Variants in BNC2 observed in about 807,000 individuals in gnomAD.
BNC2 encodes the protein zinc finger protein basonuclin-2.
Under a neutral mutation model 76.3 loss-of-function variants are expected in BNC2, and 20 were observed. That is an observed-to-expected ratio of 0.26 (90% CI 0.18 to 0.38). BNC2 has a LOEUF of 0.38. Among genes scored for constraint, BNC2 ranks in the 10% least tolerant of loss-of-function variants. The pLI is 1.00. For missense variants in BNC2, 1,382 were observed against 1,399.8 expected, an observed-to-expected ratio of 0.99 and a Z score of 0.20; for synonymous variants, 582 against 514.8, an observed-to-expected ratio of 1.13 and a Z score of -1.77.
intron 5 of BNC2, among the ~76,000 whole-genome samples, chr9:16,492,721 A>ATTTTTT (rs59536317): frequency 1.4e-5 from 2 of 140,214 alleles, no homozygotes; most frequent in African/African-American, 2.6e-5. Context: ...AGGCCTGCCC[A>ATTTTTT]TTTTTTTTTT....
intron 5 of BNC2, among the ~76,000 whole-genome samples, chr9:16,470,118 C>T (rs1821790857): frequency 6.6e-6 from 1 of 151,568 alleles, no homozygotes; most frequent in Admixed American, 6.6e-5. Flanking sequence ...CTGCCTCAGC[C>T]TCCTGAGTAG....
intron 5 of BNC2, among the ~76,000 whole-genome samples, chr9:16,528,501 TA>T (rs1409556813): frequency 6.6e-6 from 1 of 152,220 alleles, no homozygotes; most frequent in Non-Finnish European, 1.5e-5. Context: ...ATGGTTTCTA[TA>T]GTTATCTACT....
At chr9:16,482,467 A>C (rs1005221018) in intron 5 of BNC2, among the ~76,000 whole-genome samples, 7 of 151,692 alleles carry the variant, frequency 4.6e-5, no homozygotes, top group Middle Eastern at 3.4e-3. Flanking sequence ...GAAAAAAAAA[A>C]CCCTCTTCTT....
intron 5 of BNC2, among the ~76,000 whole-genome samples, chr9:16,496,491 A>C (rs374337349): frequency 6.6e-6 from 1 of 152,236 alleles, no homozygotes; most frequent in South Asian, 2.1e-4. Flanking sequence ...AATTACCTTA[A>C]TGTCAGTTGA....
chr9:16,714,256 G>A (rs535148261), intron 3 of BNC2, among the ~76,000 whole-genome samples: 66 of 152,250 alleles, frequency 4.3e-4, no homozygotes, highest in South Asian at 1.0e-3. Context: ...AAACTATCTA[G>A]CAAACACAAA....
intron 1 of BNC2, among the ~76,000 whole-genome samples, chr9:16,745,487 G>T (rs1054790090): frequency 1.3e-5 from 2 of 152,200 alleles, no homozygotes; most frequent in African/African-American, 4.8e-5. Flanking sequence ...CAATCAGCAA[G>T]GGAGGAGTAG....
chr9:16,621,390 C>T (rs924510956), intron 3 of BNC2, among the ~76,000 whole-genome samples: 1 of 152,210 alleles, frequency 6.6e-6, no homozygotes, highest in Non-Finnish European at 1.5e-5. Flanking sequence ...GACAGTATGG[C>T]TTCACAGGGA....
chr9:16,844,396 T>A (rs1289152226), intron 1 of BNC2, among the ~76,000 whole-genome samples: 1 of 151,518 alleles, frequency 6.6e-6, no homozygotes, highest in Non-Finnish European at 1.5e-5. Context: ...AGTACACACC[T>A]TAAAAAAAAT....
chr9:16,826,076 A>G (rs1044719080), intron 1 of BNC2, among the ~76,000 whole-genome samples: 2 of 152,150 alleles, frequency 1.3e-5, no homozygotes, highest in African/African-American at 4.8e-5. Flanking sequence ...AATGCATTCC[A>G]AGCTCCCCGA....
chr9:16,802,033 C>T (rs1205363741), intron 1 of BNC2, among the ~76,000 whole-genome samples: 1 of 152,098 alleles, frequency 6.6e-6, no homozygotes, highest in East Asian at 1.9e-4. Context: ...TCATGTTATG[C>T]CACACGCCTG....
At chr9:16,795,755 T>G (rs1461722213) in intron 1 of BNC2, among the ~76,000 whole-genome samples, 1 of 152,168 alleles carries the variant, frequency 6.6e-6, no homozygotes, top group African/African-American at 2.4e-5. Flanking sequence ...ACCAAGACTT[T>G]TACAGTAAAG....
At position 16,435,570 on chromosome 9, in the gene BNC2, C is replaced by T. The variant is rs565215420; in HGVS notation, c.2624G>A (p.Arg875His). Residue 875 changes from arginine to histidine, a missense_variant, in exon 6 of 7, where the codon CGC becomes CAC. Physicochemically the swap from Arg to His is conservative, Grantham distance 29. Coordinates refer to ENST00000380672, the MANE Select transcript of BNC2 (RefSeq NM_017637.6). ...ATTTACTGACCTGTCTCGGCTTCGG[C>T]GAGAGGGGAATGCAGCATTGCAACC... Reference protein sequence around the residue: ...VAGCNAAFPSRRSRDRHSANI... With the variant: ...VAGCNAAFPSHRSRDRHSANI... 43 of 1,613,806 alleles carry T rather than the reference C, an allele frequency of 2.7e-5. No individual in the cohort carries two copies. Among genetic ancestry groups the T allele is most frequent in the Admixed American group, 6.7e-5 (4 of 59,982 alleles).
At chr9:16,862,370 G>A (rs1009309851) in intron 1 of BNC2, among the ~76,000 whole-genome samples, 4 of 152,134 alleles carry the variant, frequency 2.6e-5, no homozygotes, top group Non-Finnish European at 4.4e-5. Context: ...ACAGCAAACT[G>A]CTATGATTAT....
chr9:16,486,816 C>T (rs906110880), intron 5 of BNC2, among the ~76,000 whole-genome samples: 4 of 152,086 alleles, frequency 2.6e-5, no homozygotes, highest in African/African-American at 9.7e-5. Context: ...ACATCAAACT[C>T]CTGGGCTCAA....
chr9:16,766,955 T>G (rs904848375), intron 1 of BNC2, among the ~76,000 whole-genome samples: 5 of 152,220 alleles, frequency 3.3e-5, no homozygotes, highest in African/African-American at 1.2e-4. Context: ...ACTTAACAAG[T>G]GTAAATACAG....
intron 5 of BNC2, among the ~76,000 whole-genome samples, chr9:16,454,862 T>A (rs947308274): frequency 6.6e-6 from 1 of 152,248 alleles, no homozygotes; most frequent in African/African-American, 2.4e-5. Context: ...TAAATATTCA[T>A]CTTTCTGAAA....
At chr9:16,647,869 TCCACTG>T (rs1330358374) in intron 3 of BNC2, among the ~76,000 whole-genome samples, 1 of 152,190 alleles carries the variant, frequency 6.6e-6, no homozygotes, top group Non-Finnish European at 1.5e-5. Context: ...GCTAGTCTAT[TCCACTG>T]CCATGAACTA....
At chr9:16,772,945 T>G (rs1825868305) in intron 1 of BNC2, among the ~76,000 whole-genome samples, 1 of 152,218 alleles carries the variant, frequency 6.6e-6, no homozygotes, top group African/African-American at 2.4e-5. Flanking sequence ...AAAACAGAGC[T>G]ACTTTCATTA....
chr9:16,624,954 T>C (rs1043525634), intron 3 of BNC2, among the ~76,000 whole-genome samples: 4 of 152,222 alleles, frequency 2.6e-5, no homozygotes, highest in African/African-American at 9.6e-5. Context: ...TTTAAAAAGT[T>C]AGAAGAGAGC....
Sources: allele counts gnomAD v4.1 joint callset (sites outside exome capture counted in the v4.1 genomes callset), GRCh38; gene constraint gnomAD v4.1.1; transcripts MANE v1.5; gene names NCBI Gene and HGNC (gene_info 2026-07-23, HGNC 2026-07-21).